CACNA1H: variants seen among roughly 807,000 people sequenced by gnomAD.
CACNA1H encodes calcium voltage-gated channel subunit alpha1 H.
Under a neutral mutation model 192.5 loss-of-function variants are expected in CACNA1H, and 149 were observed. That is an observed-to-expected ratio of 0.77 (90% confidence interval 0.68 to 0.89). The LOEUF is 0.89. Ranked by LOEUF, CACNA1H falls within the 40% of genes least tolerant of loss-of-function variation. The pLI, the probability that CACNA1H is intolerant of heterozygous loss-of-function variation, is 0.00. For missense variants in CACNA1H, 4,257 were observed against 3,423.5 expected (o/e 1.24, Z -6.08); for synonymous variants, 2,202 against 1,475.2 (o/e 1.49, Z -11.29).
chr16:1,215,190 C>G, intron 28 of CACNA1H, 52 bp from the exon 29 acceptor site: 1 of 1,582,996 alleles, frequency 6.3e-7, no homozygotes, highest in African/African-American at 1.3e-5. Flanking sequence ...AGCAACGCTG[C>G]TGAGCCGAGG....
chr16:1,190,755 T>G (rs1966532277), intron 2 of CACNA1H, among the ~76,000 whole-genome samples: 1 of 147,776 alleles, frequency 6.8e-6, no homozygotes, highest in African/African-American at 2.6e-5. Flanking sequence ...GGGGCTAATT[T>G]TGGGTGGGTG....
chr16:1,211,632 T>TG (rs752520855), intron 23 of CACNA1H, 26 bp downstream of exon 23: 107 of 1,609,388 alleles, frequency 6.6e-5, no homozygotes, highest in Non-Finnish European at 8.9e-5. Context: ...GGGCGGGAGC[T>TG]GGGGGTCTCC....
chr16:1,220,254 G>A lies in CACNA1H; in HGVS notation c.6322G>A (p.Ala2108Thr), dbSNP rs56930660. ...DEEVSHITSS[A>T]CPWQPTAEPH... is the part of the protein sequence containing the mutation. ...GGAGGTCAGCCACATCACCAGCTCC[G>A]CCTGCCCCTGGCAGCCCACAGCCGA... The change falls in exon 35 of 35, where the codon GCC (alanine) becomes ACC (threonine). Residue 2108 changes from alanine (A) to threonine (T), a missense_variant. Coordinates refer to ENST00000348261, the MANE Select transcript of CACNA1H (RefSeq NM_021098.3). The A allele has an allele frequency of 1.9e-3, 2,947 of 1,583,922 alleles. 8 individuals carry two copies. The highest frequency in any genetic ancestry group is 2.2e-3 in the Non-Finnish European group (2,636 of 1,171,814).
Position 1,198,776 on chromosome 16 carries a change from T to C in CACNA1H, c.803+2T>C, listed in dbSNP as rs766631422. ...CTTCCTGGACAGTGCCTTTGTCAGG[T>C]GCCCAGGCCCCACCCCCGTGAGGCC... is the stretch of plus-strand genomic sequence containing the variant. On this transcript the variant is annotated splice_donor_variant, in intron 6 of 34. Coordinates refer to ENST00000348261, the MANE Select transcript of CACNA1H (RefSeq NM_021098.3). LOFTEE classifies it high-confidence loss of function. The C allele has an allele frequency of 6.2e-7, 1 of 1,608,834 alleles. No individual in the cohort carries two copies.
intron 2 of CACNA1H, among the ~76,000 whole-genome samples, chr16:1,155,866 G>A (rs1224830620): frequency 2.0e-5 from 3 of 152,126 alleles, no homozygotes; most frequent in Non-Finnish European, 4.4e-5. Flanking sequence ...TGGGGCCAGC[G>A]GCATCACGTG....
intron 2 of CACNA1H, among the ~76,000 whole-genome samples, chr16:1,162,645 G>C (rs936662603): frequency 7.9e-5 from 12 of 151,768 alleles, no homozygotes; most frequent in Non-Finnish European, 1.2e-4. Context: ...GGAGTGGGGG[G>C]GGGGGGTCCA....
chr16:1,193,908 C>T (rs1018170283), intron 2 of CACNA1H, among the ~76,000 whole-genome samples: 3 of 152,200 alleles, frequency 2.0e-5, no homozygotes, highest in South Asian at 2.1e-4. Flanking sequence ...GTGGCAGCTG[C>T]CCTTCCTGTG....
intron 9 of CACNA1H, among the ~76,000 whole-genome samples, chr16:1,202,797 G>A (rs1968138790): frequency 1.3e-5 from 2 of 152,136 alleles, no homozygotes; most frequent in African/African-American, 4.8e-5. Context: ...TCCACAGCCT[G>A]GACGCTTCCC....
intron 30 of CACNA1H, among the ~76,000 whole-genome samples, chr16:1,215,955 C>T (rs997208319): frequency 3.3e-5 from 5 of 152,068 alleles, no homozygotes; most frequent in East Asian, 3.8e-4. Flanking sequence ...GCTGCGGGCC[C>T]GGGGCCCCCT....
intron 6 of CACNA1H, 55 bp downstream of exon 6, chr16:1,198,829 C>T: frequency 3.3e-6 from 5 of 1,527,712 alleles, no homozygotes; most frequent in Non-Finnish European, 2.7e-6. Context: ...GCCCACCATG[C>T]AGATAACGCA....
chr16:1,153,209 C>A lies in CACNA1H; in HGVS notation c.-280C>A. ...CGCCCCGCGCCCCGCGCCCCGGCCTCACCCGTCCGCTCAGCGGCCTCCACG... is the reference window on the plus strand; with the variant it reads ...CGCCCCGCGCCCCGCGCCCCGGCCTAACCCGTCCGCTCAGCGGCCTCCACG... On this transcript the variant is annotated 5_prime_UTR_variant, in exon 1 of 35. Transcript: ENST00000348261. The A allele has an allele frequency of 6.9e-6, 1 of 145,912 alleles. No individual in the cohort carries two copies. Among genetic ancestry groups the A allele is most frequent in the South Asian group, 1.8e-4 (1 of 5,556 alleles). 9.0% of individuals were successfully genotyped at this position (145,912 alleles called of 1,614,324 possible).
intron 18 of CACNA1H, 80 bp from the exon 19 acceptor site, chr16:1,210,290 C>T (rs1023464945): frequency 8.7e-5 from 116 of 1,332,456 alleles, no homozygotes; most frequent in Middle Eastern, 4.3e-4. Context: ...GGAGGCGTGG[C>T]CAGGGCTGTC....
chr16:1,176,719 A>C (rs1964926677), intron 2 of CACNA1H, among the ~76,000 whole-genome samples: 1 of 152,288 alleles, frequency 6.6e-6, no homozygotes, highest in African/African-American at 2.4e-5. Context: ...TGTGACCCAC[A>C]GGGGATGCTC....
In CACNA1H at chr16:1,204,292, G is replaced by A. The variant is rs986846504; in HGVS notation, c.2285G>A (p.Arg762Gln). The A allele has an allele frequency of 5.6e-6, 9 of 1,603,952 alleles. No homozygotes were observed. Among genetic ancestry groups the A allele is most frequent in the Admixed American group, 1.7e-5 (1 of 59,114 alleles). The change falls in exon 10 of 35, where the codon CGG (arginine) becomes CAG (glutamine). Residue 762 changes from arginine (R) to glutamine (Q), a missense_variant. Arg to Gln is a conservative substitution (Grantham distance 43). Coordinates refer to ENST00000348261, the MANE Select transcript of CACNA1H (RefSeq NM_021098.3). ...PGPGPGSPQR[R>Q]AQQRAAPGEP... ...CCAGGCCCAGGCAGCCCCCAGCGGC[G>A]GGCACAGCAGAGGGCAGCCCCGGGC...
intron 30 of CACNA1H, among the ~76,000 whole-genome samples, chr16:1,216,174 C>T (rs541816847): frequency 7.1e-4 from 108 of 152,330 alleles, no homozygotes; most frequent in African/African-American, 2.6e-3. Flanking sequence ...CACCCGGCAC[C>T]TCCTCCTGTT....
At chr16:1,163,823 C>T (rs1173260651) in intron 2 of CACNA1H, among the ~76,000 whole-genome samples, 1 of 152,196 alleles carries the variant, frequency 6.6e-6, no homozygotes, top group African/African-American at 2.4e-5. Context: ...TGAGAGGCCC[C>T]GGGATGCCAC....
chr16:1,215,091 G>T lies in CACNA1H; in HGVS notation c.5039+10G>T. 1.9e-6 allele frequency: 3 copies of T among 1,607,722 alleles called. No homozygotes were observed. The highest frequency in any genetic ancestry group is 2.5e-6 in the Non-Finnish European group (3 of 1,176,690). On this transcript the variant is annotated intron_variant, in intron 28 of 34. Transcript: ENST00000348261. ...GGTTCTTCAAGGACAGGTGTGTGTGGTGGGGCCGTCTTGGGTTCTGGGGGC... is the reference window on the plus strand; with the variant it reads ...GGTTCTTCAAGGACAGGTGTGTGTGTTGGGGCCGTCTTGGGTTCTGGGGGC...
chr16:1,182,800 C>T (rs111374224), intron 2 of CACNA1H, among the ~76,000 whole-genome samples: 1 of 152,142 alleles, frequency 6.6e-6, no homozygotes, highest in Non-Finnish European at 1.5e-5. Flanking sequence ...GGGACCCCCA[C>T]CCTGGCCCTC....
chr16:1,205,206 C>T lies in CACNA1H; in HGVS notation c.2544C>T (p.Gly848=), dbSNP rs28365123. ...LEMLLKLLAC[G]PLGYIRNPYN... The stretch of plus-strand genomic sequence containing the variant: ...TGCTGCTGAAGCTGCTGGCCTGCGG[C>T]CCTCTGGGCTACATCCGGAACCCGT... The change falls in exon 11 of 35, where the codon GGC becomes GGT. Residue 848 remains glycine, a synonymous_variant. Transcript: ENST00000348261. 15,908 of 1,613,002 alleles carry T rather than the reference C, an allele frequency of 9.9e-3. 1,267 individuals are homozygous for T. The African/African-American group carries it at 0.18, about 18-fold the overall frequency.
Sources: allele counts gnomAD v4.1 joint callset (sites outside exome capture counted in the v4.1 genomes callset), GRCh38; gene constraint gnomAD v4.1.1; transcripts MANE v1.5; gene names NCBI Gene and HGNC (gene_info 2026-07-23, HGNC 2026-07-21).